The following CLSTN3 variants were observed in gnomAD, a reference collection of about 807,000 sequenced individuals.
CLSTN3 encodes the protein calsyntenin-3.
In CLSTN3, 36 loss-of-function variants were observed where a neutral mutation model predicts 95.9. That is an observed-to-expected ratio of 0.38 (90% CI 0.29 to 0.50). The LOEUF (loss-of-function observed/expected upper bound fraction) is 0.50. Ranked by LOEUF, CLSTN3 falls within the 20% of genes least tolerant of loss-of-function variation. The pLI, the probability that CLSTN3 is intolerant of heterozygous loss-of-function variation, is 0.95. For missense variants in CLSTN3, 1,084 were observed against 1,268.8 expected (o/e 0.85, Z 2.21); for synonymous variants, 481 against 504.0 (o/e 0.95, Z 0.61).
At chr12:7,134,619 C>G (rs1450812458) in intron 3 of CLSTN3, among the ~76,000 whole-genome samples, 1 of 152,248 alleles carries the variant, frequency 6.6e-6, no homozygotes, top group Non-Finnish European at 1.5e-5. Flanking sequence ...ACTGCCCACA[C>G]GTACTGTGCA....
chr12:7,132,771 C>A, intron 1 of CLSTN3: 2 of 602,388 alleles, frequency 3.3e-6, no homozygotes, highest in Non-Finnish European at 5.9e-6. Flanking sequence ...CTCCTCTTCA[C>A]CCCCAGGGCA....
intron 12 of CLSTN3, among the ~76,000 whole-genome samples, chr12:7,143,927 T>G (rs1939577194): frequency 6.6e-6 from 1 of 152,156 alleles, no homozygotes; most frequent in Non-Finnish European, 1.5e-5. Context: ...CAGAACTATC[T>G]AATCCTTCAT....
intron 16 of CLSTN3, among the ~76,000 whole-genome samples, chr12:7,153,073 C>G (rs1190985629): frequency 6.6e-6 from 1 of 152,146 alleles, no homozygotes; most frequent in Non-Finnish European, 1.5e-5. Context: ...CAACGGCCAC[C>G]ACCTACACTG....
At chr12:7,131,363 G>C in intron 1 of CLSTN3, 1 of 225,340 alleles carries the variant, frequency 4.4e-6, no homozygotes, top group South Asian at 6.4e-5. Context: ...CAGGTAGGTG[G>C]AAACGGATGG....
intron 12 of CLSTN3, 64 bp from the exon 13 acceptor site, chr12:7,148,908 G>C: frequency 7.1e-7 from 1 of 1,407,172 alleles, no homozygotes; most frequent in Non-Finnish European, 9.9e-7. Flanking sequence ...GAGTGAAACA[G>C]AATGTGGGTT....
Position 7,137,205 on chromosome 12 carries a change from C to A in CLSTN3, c.1210+95C>A. ...GTGTGTGACTGTGAACAGGTCACTTCCCCTCTCTTCATTTGTGAGGTGCAA... is the reference window on the plus strand; with the variant it reads ...GTGTGTGACTGTGAACAGGTCACTTACCCTCTCTTCATTTGTGAGGTGCAA... On this transcript the variant is annotated intron_variant, in intron 7 of 17. Coordinates refer to ENST00000266546, the MANE Select transcript of CLSTN3 (RefSeq NM_014718.4). The surrounding 1 kb of genome is among the most constrained non-coding windows in gnomAD (Gnocchi z 4.4). 7.8e-7 allele frequency: 1 copy of A among 1,284,744 alleles called. No individual in the cohort carries two copies. The highest frequency in any genetic ancestry group is 1.1e-6 in the Non-Finnish European group (1 of 940,640). The allele number at this position is 1,284,744 out of a possible 1,614,324, so 79.6% of individuals were successfully genotyped here.
intron 8 of CLSTN3, among the ~76,000 whole-genome samples, 164 bp downstream of exon 8, chr12:7,138,231 C>T (rs988460879): frequency 6.6e-6 from 1 of 151,886 alleles, no homozygotes; most frequent in South Asian, 2.1e-4. Context: ...CTCTTGTTCC[C>T]TTTTCCCAAA....
At chr12:7,146,387 G>A (rs958287306) in intron 12 of CLSTN3, among the ~76,000 whole-genome samples, 4 of 151,948 alleles carry the variant, frequency 2.6e-5, no homozygotes, top group South Asian at 4.2e-4. Flanking sequence ...GCGACAAAGC[G>A]AGACCCTGTC....
chr12:7,133,206 C>T lies in CLSTN3; in HGVS notation c.187+60C>T. 3.0e-6 allele frequency: 2 copies of T among 675,016 alleles called. No individual in the cohort carries two copies. The highest frequency in any genetic ancestry group is 2.8e-5 in the South Asian group (2 of 72,302). 41.8% of individuals were successfully genotyped at this position (675,016 alleles called of 1,614,324 possible). A position where few individuals can be genotyped will look rare whatever the true frequency, so the allele number is the denominator to read the frequency against. On this transcript the variant is annotated intron_variant, in intron 2 of 17. Coordinates refer to ENST00000266546, the MANE Select transcript of CLSTN3 (RefSeq NM_014718.4). This position sits in a 1 kb window ranked among gnomAD's most constrained non-coding sequence, Gnocchi z 4.7. ...GACAGAGAAAAGTGGGTGGGAGGGC[C>T]AAGAGCAAGGGAGGGAGGGAAGGTC...
chr12:7,148,027 C>T (rs928177692), intron 12 of CLSTN3, among the ~76,000 whole-genome samples: 1 of 151,800 alleles, frequency 6.6e-6, no homozygotes, highest in African/African-American at 2.4e-5. Flanking sequence ...TGGTGGCATG[C>T]GCCCTATAAT....
At chr12:7,156,635 T>G in intron 16 of CLSTN3, 1 of 456,768 alleles carries the variant, frequency 2.2e-6, no homozygotes, top group Non-Finnish European at 4.4e-6. Flanking sequence ...TGTGCAGCTG[T>G]GTGCCCACAC....
At chr12:7,147,809 C>T (rs1939647543) in intron 12 of CLSTN3, among the ~76,000 whole-genome samples, 2 of 152,048 alleles carry the variant, frequency 1.3e-5, no homozygotes, top group South Asian at 4.1e-4. Flanking sequence ...AGCCATCATG[C>T]CCAGCCTGAG....
chr12:7,140,147 G>A (rs1352612948), intron 8 of CLSTN3, among the ~76,000 whole-genome samples: 1 of 152,172 alleles, frequency 6.6e-6, no homozygotes, highest in Non-Finnish European at 1.5e-5. Context: ...AACAGCACCT[G>A]CTAATGGACT....
At chr12:7,129,789 CA>C, upstream of CLSTN3, 1 of 985,684 alleles carries the variant, frequency 1.0e-6, no homozygotes, top group Non-Finnish European at 1.2e-6. The surrounding 1 kb of genome is among the most constrained non-coding windows in gnomAD (Gnocchi z 5.5). Context: ...GCGAAGGAGG[CA>C]GGACAGGTAG....
chr12:7,153,356 GCTGGT>G (rs1215526070), intron 16 of CLSTN3, among the ~76,000 whole-genome samples: 1 of 152,134 alleles, frequency 6.6e-6, no homozygotes, highest in Admixed American at 6.5e-5. Context: ...TGTTGCTCAG[GCTGGT>G]CTTGAACTCC....
At chr12:7,130,829 C>T (rs997768379) in intron 1 of CLSTN3, 117 bp downstream of exon 1, 25 of 872,812 alleles carry the variant, frequency 2.9e-5, no homozygotes, top group Non-Finnish European at 4.5e-5. Context: ...TGGCCCTCTT[C>T]TGATCACCCT....
Position 7,157,661 on chromosome 12 carries a change from A to G in CLSTN3, c.2700A>G (p.Ser900=). The part of the protein sequence containing the change: ...PKDPDLFWDD[S]ALTIIVNPME... ...ACCCAGACCTCTTCTGGGATGACTC[A>G]GCTCTCACCATCATTGTGAACCCCA... The change falls in exon 17 of 18, where the codon TCA becomes TCG. Residue 900 remains serine, a synonymous_variant. Coordinates refer to ENST00000266546, the MANE Select transcript of CLSTN3 (RefSeq NM_014718.4). This position sits in a 1 kb window ranked among gnomAD's most constrained non-coding sequence, Gnocchi z 5.9. The G allele has an allele frequency of 6.2e-7, 1 of 1,601,190 alleles. No homozygotes were observed. The highest frequency in any genetic ancestry group is 1.1e-5 in the South Asian group (1 of 89,142).
At position 7,157,175 on chromosome 12, in the gene CLSTN3, G is replaced by A. The variant is rs1438014516; in HGVS notation, c.2528-314G>A. Among the ~76,000 whole-genome samples the A allele has an allele frequency of 1.3e-5, 2 of 152,168 alleles. No homozygotes were observed. Among genetic ancestry groups the A allele is most frequent in the Non-Finnish European group, 2.9e-5 (2 of 68,024 alleles). ...CCAGTCCTTGCCCTCTGTCCTCTGC[G>A]AATAGGGCTGTTCATGACAGTGTTG... On this transcript the variant is annotated intron_variant, in intron 16 of 17. Transcript: ENST00000266546. The surrounding 1 kb of genome is among the most constrained non-coding windows in gnomAD (Gnocchi z 5.9).
chr12:7,151,053 C>T lies in CLSTN3; in HGVS notation c.2517C>T (p.His839=). ...EMAGHSLASS[H]RNSMIPSAAT... ...CTGGACACAGCCTAGCCAGCTCCCA[C>T]AGAAACTCCAGTACGTAAGCCTGGT... is the stretch of plus-strand genomic sequence containing the variant. The change falls in exon 16 of 18, where the codon CAC becomes CAT. Residue 839 remains histidine, a synonymous_variant. Coordinates refer to ENST00000266546, the MANE Select transcript of CLSTN3 (RefSeq NM_014718.4). 3.7e-6 allele frequency: 6 copies of T among 1,600,164 alleles called. No homozygotes were observed. The highest frequency in any genetic ancestry group is 5.1e-6 in the Non-Finnish European group (6 of 1,172,828).
Sources: allele counts gnomAD v4.1 joint callset (sites outside exome capture counted in the v4.1 genomes callset), GRCh38; gene constraint gnomAD v4.1.1; non-coding constraint Gnocchi (gnomAD v3.1); transcripts MANE v1.5; gene names NCBI Gene and HGNC (gene_info 2026-07-23, HGNC 2026-07-21).